NCKAP5: variants seen among roughly 807,000 people sequenced by gnomAD.
NCKAP5 encodes NCK associated protein 5.
NCKAP5 carries 92 observed loss-of-function variants against 167.0 expected under a neutral mutation model. That is an observed-to-expected ratio of 0.55 (90% confidence interval 0.47 to 0.66). NCKAP5 has a LOEUF of 0.66. Among genes scored for constraint, NCKAP5 ranks in the 30% least tolerant of loss-of-function variants. NCKAP5 has a pLI of 0.00. For missense variants in NCKAP5, 2,378 were observed against 2,315.0 expected (o/e 1.03, Z -0.56); for synonymous variants, 891 against 877.4 (o/e 1.02, Z -0.27).
chr2:132,979,417 A>G (rs545093340), intron 7 of NCKAP5, among the ~76,000 whole-genome samples: 2 of 152,154 alleles, frequency 1.3e-5, no homozygotes, highest in Non-Finnish European at 2.9e-5. Context: ...GGCCCACCCC[A>G]TGCCCTAGTC....
rs539037361 is a variant in NCKAP5 at position 133,346,738 on chromosome 2, C to A, written c.70-43628G>T. Among the ~76,000 whole-genome samples, 163 of 152,290 alleles carry A rather than the reference C, an allele frequency of 1.1e-3. No homozygotes were observed. The Middle Eastern group carries it at 0.014, about 13-fold the overall frequency. On this transcript the variant is annotated intron_variant, in intron 3 of 19. Transcript: ENST00000409261. The stretch of plus-strand genomic sequence containing the variant: ...AGAACTTGTGAATAAATGTGTGCAA[C>A]CAAGCTTCATCCATGGATGGCGATG...
the NCKAP5 span, among the ~76,000 whole-genome samples, chr2:133,590,122 C>A: frequency 6.6e-6 from 1 of 152,194 alleles, no homozygotes; most frequent in Non-Finnish European, 1.5e-5. Flanking sequence ...CAAGGAGTGT[C>A]CACTTGGCTG....
chr2:132,707,423 C>T (rs965270627), intron 19 of NCKAP5, among the ~76,000 whole-genome samples: 1 of 152,214 alleles, frequency 6.6e-6, no homozygotes, highest in African/African-American at 2.4e-5. Flanking sequence ...ACTTGAAAGG[C>T]AGTCTGGGCC....
At chr2:132,830,300 G>A (rs751376051) in intron 11 of NCKAP5, among the ~76,000 whole-genome samples, 5 of 151,926 alleles carry the variant, frequency 3.3e-5, no homozygotes, top group Non-Finnish European at 7.4e-5. Context: ...AATTATTTTA[G>A]TTTTTAATGT....
chr2:132,949,905 C>T (rs1197073550), intron 8 of NCKAP5, among the ~76,000 whole-genome samples: 6 of 152,096 alleles, frequency 3.9e-5, no homozygotes, highest in Admixed American at 1.3e-4. Context: ...ACCAGCCTGG[C>T]TAACATAGTG....
rs145488304 is a variant in NCKAP5, at chr2:133,561,329, TA to T, written c.-129-2213del. On this transcript the variant is annotated intron_variant, in intron 1 of 19. Transcript: ENST00000409261. ...AGTGAACTGTTTTAACTACTCTCAA[TA>T]ACAAAGTATCTCACATTCCTGATTC... Among the ~76,000 whole-genome samples, 1,494 of 152,258 alleles carry T rather than the reference TA, an allele frequency of 9.8e-3. 33 individuals carry two copies. Among genetic ancestry groups the T allele is most frequent in the African/African-American group, 0.034 (1,402 of 41,534 alleles).
chr2:133,135,699 A>T lies in NCKAP5; in HGVS notation c.208-5588T>A, dbSNP rs371681168. On this transcript the variant is annotated intron_variant, in intron 5 of 19. Transcript: ENST00000409261. ...TTTACTAGAGAAGTGGTTTTGAACAAGCCACTTAACTTAAAACTTAACTGC... is the reference window on the plus strand; with the variant it reads ...TTTACTAGAGAAGTGGTTTTGAACATGCCACTTAACTTAAAACTTAACTGC... 2.1e-4 allele frequency among the ~76,000 whole-genome samples: 32 copies of T among 152,280 alleles called. No individual in the cohort carries two copies. The East Asian group carries it at 3.7e-3, about 17-fold the overall frequency.
At position 132,748,794 on chromosome 2, in the gene NCKAP5, T is replaced by C. The variant is rs973310270; in HGVS notation, c.5129-16743A>G. On this transcript the variant is annotated intron_variant, in intron 16 of 19. Transcript: ENST00000409261. Reference sequence around the variant, plus strand: ...TTTAAAACCAAGTCAGGATACTTTTTTTTTTTTGAGACGGATTCTCACTCT... The same window carrying C: ...TTTAAAACCAAGTCAGGATACTTTTCTTTTTTTGAGACGGATTCTCACTCT... Among the ~76,000 whole-genome samples the C allele has an allele frequency of 3.3e-5, 5 of 152,288 alleles. No homozygotes were observed. In the East Asian group the frequency reaches 7.7e-4, roughly 23 times the overall value.
intron 3 of NCKAP5, among the ~76,000 whole-genome samples, chr2:133,370,699 C>T (rs928170258): frequency 5.5e-5 from 8 of 146,676 alleles, no homozygotes; most frequent in South Asian, 2.1e-4. Context: ...GTTTGGCTAA[C>T]GTATTTTTTT....
At chr2:132,686,932 C>A (rs996986720) in intron 19 of NCKAP5, among the ~76,000 whole-genome samples, 199 of 152,188 alleles carry the variant, frequency 1.3e-3, no homozygotes, top group African/African-American at 4.6e-3. Flanking sequence ...TTGAAATAAT[C>A]AACAACATTA....
At chr2:133,556,143 C>T (rs1159137158) in intron 2 of NCKAP5, among the ~76,000 whole-genome samples, 2 of 152,224 alleles carry the variant, frequency 1.3e-5, no homozygotes, top group African/African-American at 4.8e-5. Flanking sequence ...TTGAGGAAGG[C>T]TTCTAGGGTG....
intron 5 of NCKAP5, among the ~76,000 whole-genome samples, chr2:133,186,735 G>A (rs2084963047): frequency 6.6e-6 from 1 of 152,014 alleles, no homozygotes; most frequent in East Asian, 1.9e-4. Flanking sequence ...TAATACGTGT[G>A]CAGAGAGGTT....
intron 6 of NCKAP5, among the ~76,000 whole-genome samples, chr2:133,021,929 C>T (rs1367563971): frequency 6.6e-6 from 1 of 152,188 alleles, no homozygotes; most frequent in Non-Finnish European, 1.5e-5. Context: ...CCATACCCAG[C>T]CTAAACTCTA....
chr2:132,935,034 C>T (rs1312386295), intron 8 of NCKAP5, among the ~76,000 whole-genome samples: 1 of 152,132 alleles, frequency 6.6e-6, no homozygotes, highest in African/African-American at 2.4e-5. Flanking sequence ...TGGCTTTTTT[C>T]CCAGCTACAA....
intron 4 of NCKAP5, among the ~76,000 whole-genome samples, chr2:133,278,797 A>AAC: frequency 6.6e-6 from 1 of 151,770 alleles, no homozygotes; most frequent in Non-Finnish European, 1.5e-5. Context: ...AAAAAAAAAA[A>AAC]AACCCTCTTA....
chr2:132,903,165 T>C lies in NCKAP5; in HGVS notation c.580-24249A>G, dbSNP rs147622985. ...CTAAAGTGATGCCACCTTGTAGAGC[T>C]GCAGCTCCCACCCCCCTTGCCACAT... On this transcript the variant is annotated intron_variant, in intron 8 of 19. Transcript: ENST00000409261. Among the ~76,000 whole-genome samples, 142 of 152,326 alleles carry C rather than the reference T, an allele frequency of 9.3e-4. 1 individual carries two copies. The highest frequency in any genetic ancestry group is 3.0e-3 in the African/African-American group (126 of 41,578).
intron 10 of NCKAP5, among the ~76,000 whole-genome samples, chr2:132,862,038 C>T (rs186065739): frequency 6.6e-6 from 1 of 152,320 alleles, no homozygotes; most frequent in East Asian, 1.9e-4. Flanking sequence ...TTAAGTTTCT[C>T]AACACTTCTA....
chr2:133,183,278 C>T (rs1311374810), intron 5 of NCKAP5, among the ~76,000 whole-genome samples: 1 of 151,916 alleles, frequency 6.6e-6, no homozygotes, highest in Non-Finnish European at 1.5e-5. Context: ...ATTAGTATTA[C>T]CCTGATACTA....
At chr2:133,523,756 T>C (rs1684656179) in intron 2 of NCKAP5, among the ~76,000 whole-genome samples, 1 of 152,064 alleles carries the variant, frequency 6.6e-6, no homozygotes, top group African/African-American at 2.4e-5. Context: ...TTATATTCCC[T>C]GCAGCATCCA....
Sources: gnomAD v4.1 joint callset for allele counts (sites outside exome capture counted in the v4.1 genomes callset) on GRCh38, gnomAD v4.1.1 for gene constraint, MANE v1.5 for transcripts, NCBI Gene and HGNC (gene_info 2026-07-23, HGNC 2026-07-21) for gene names.